Variants in ATF7IP observed in about 807,000 individuals in gnomAD.
ATF7IP encodes the protein activating transcription factor 7-interacting protein 1.
ATF7IP carries 23 observed loss-of-function variants against 106.4 expected under a neutral mutation model. The ratio of observed to expected loss-of-function variants is 0.22; its 90% CI spans 0.16 to 0.31. The LOEUF (loss-of-function observed/expected upper bound fraction) is 0.31. Among genes scored for constraint, ATF7IP ranks in the 10% least tolerant of loss-of-function variants. ATF7IP has a pLI of 1.00. For missense variants in ATF7IP, 1,334 were observed against 1,524.3 expected, an observed-to-expected ratio of 0.88 and a Z score of 2.08; for synonymous variants, 542 against 539.0, an observed-to-expected ratio of 1.01 and a Z score of -0.08.
At chr12:14,389,657 C>A (rs898751252) in intron 1 of ATF7IP, among the ~76,000 whole-genome samples, 1 of 152,012 alleles carries the variant, frequency 6.6e-6, no homozygotes, top group African/African-American at 2.4e-5. Context: ...GACGGAGTTT[C>A]GCTCTTGTTG....
At position 14,424,495 on chromosome 12, in the gene ATF7IP, G is replaced by A. The variant is rs1941730957; in HGVS notation, c.580G>A (p.Ala194Thr). 3 of 1,613,952 alleles carry A rather than the reference G, an allele frequency of 1.9e-6. No homozygotes were observed. The highest frequency in any genetic ancestry group is 2.5e-6 in the Non-Finnish European group (3 of 1,179,952). The change falls in exon 2 of 15, where the codon GCC becomes ACC. Residue 194 changes from alanine (A) to threonine (T), a missense_variant. By Grantham distance (58) the Ala-to-Thr change is moderately conservative (BLOSUM62 0). This residue lies in a region of ATF7IP where 438 missense variants were observed against 405.3 expected (regional missense o/e 1.08). Transcript: ENST00000261168. The stretch of plus-strand genomic sequence containing the variant: ...CCCTGGTGATGCCACCTCTGGTGAT[G>A]CCACTGCTGATGATCTCTCCTCTGG... ...VSPGDATSGDATADDLSSGDP... is the reference protein window; with the variant it reads ...VSPGDATSGDTTADDLSSGDP...
intron 6 of ATF7IP, among the ~76,000 whole-genome samples, chr12:14,447,547 C>T (rs1007434201): frequency 1.3e-4 from 20 of 152,210 alleles, no homozygotes; most frequent in Middle Eastern, 3.4e-3. Flanking sequence ...TCCCAAAGTG[C>T]TGGAATTACA....
chr12:14,367,602 C>G (rs1330725901), intron 1 of ATF7IP, among the ~76,000 whole-genome samples: 1 of 152,042 alleles, frequency 6.6e-6, no homozygotes, highest in Non-Finnish European at 1.5e-5. Context: ...GCATGGTACA[C>G]TTTACATTTC....
chr12:14,421,232 G>A (rs1393220751), intron 1 of ATF7IP, among the ~76,000 whole-genome samples: 1 of 152,172 alleles, frequency 6.6e-6, no homozygotes, highest in African/African-American at 2.4e-5. Context: ...TTATGCATCA[G>A]TCTTGAATTT....
At chr12:14,468,841 A>G (rs1345556958) in intron 10 of ATF7IP, among the ~76,000 whole-genome samples, 1 of 152,202 alleles carries the variant, frequency 6.6e-6, no homozygotes, top group Non-Finnish European at 1.5e-5. Context: ...TGAAACAAAT[A>G]TCATTTTTGT....
intron 1 of ATF7IP, among the ~76,000 whole-genome samples, chr12:14,381,431 A>G (rs954617163): frequency 1.3e-5 from 2 of 152,016 alleles, no homozygotes; most frequent in Non-Finnish European, 1.5e-5. Context: ...GGGTTTTGCC[A>G]TGTTGGTCAG....
rs1943840632 is a variant in ATF7IP, at chr12:14,466,561, A to G, written c.2833A>G (p.Ser945Gly). 4 of 1,604,832 alleles carry G rather than the reference A, an allele frequency of 2.5e-6. No individual in the cohort carries two copies. The highest frequency in any genetic ancestry group is 3.4e-6 in the Non-Finnish European group (4 of 1,177,202). Residue 945 changes from serine to glycine, a missense_variant, in exon 10 of 15, where the codon AGT becomes GGT. Ser to Gly is a moderately conservative substitution (Grantham distance 56, BLOSUM62 0). Coordinates refer to ENST00000261168, the MANE Select transcript of ATF7IP (RefSeq NM_018179.5). ...AAACAAAACAATAGATGCTTCTGTC[A>G]GTAAGAAAGCAGCTGATAGCACATC... Reference protein sequence around the residue: ...QTNKTIDASVSKKAADSTSQC... With the variant: ...QTNKTIDASVGKKAADSTSQC...
intron 6 of ATF7IP, among the ~76,000 whole-genome samples, chr12:14,451,446 T>C (rs1943198107): frequency 6.6e-6 from 1 of 152,168 alleles, no homozygotes. Flanking sequence ...TTTTCCCCTC[T>C]AGTTCTTTGA....
chr12:14,367,736 A>G (rs1006992744), intron 1 of ATF7IP, among the ~76,000 whole-genome samples: 1 of 152,128 alleles, frequency 6.6e-6, no homozygotes, highest in Non-Finnish European at 1.5e-5. Context: ...AATATGAAGA[A>G]CATATTTATT....
At position 14,408,116 on chromosome 12, in the gene ATF7IP, G is replaced by GCACACACA. The variant is rs56229725; in HGVS notation, c.-7-15774_-7-15767dup. Among the ~76,000 whole-genome samples the GCACACACA allele has an allele frequency of 1.5e-3, 230 of 149,090 alleles. 1 individual carries two copies. The highest frequency in any genetic ancestry group is 6.0e-3 in the South Asian group (28 of 4,698). On this transcript the variant is annotated intron_variant, in intron 1 of 14. Coordinates refer to ENST00000261168, the MANE Select transcript of ATF7IP (RefSeq NM_018179.5). ...CACTTAAATATATAGATATTGATGT[G>GCACACACA]CACACACACACACACACACACACAC...
Position 14,415,691 on chromosome 12 carries a change from G to GTTT in ATF7IP, c.-7-8205_-7-8203dup, listed in dbSNP as rs71067794. Among the ~76,000 whole-genome samples, 660 of 144,766 alleles carry GTTT rather than the reference G, an allele frequency of 4.6e-3. 5 individuals carry two copies. The highest frequency in any genetic ancestry group is 0.018 in the East Asian group (89 of 5,008). 95.0% of individuals were successfully genotyped at this position (144,766 alleles called of 152,430 possible). ...TGATAAACAGATTTCACCACTTACT[G>GTTT]TTTTTTTTTTTTTTTAAGATGGCAG... On this transcript the variant is annotated intron_variant, in intron 1 of 14. Coordinates refer to ENST00000261168, the MANE Select transcript of ATF7IP (RefSeq NM_018179.5).
At chr12:14,389,138 T>C (rs1225023687) in intron 1 of ATF7IP, among the ~76,000 whole-genome samples, 1 of 152,232 alleles carries the variant, frequency 6.6e-6, no homozygotes, top group African/African-American at 2.4e-5. Context: ...GAGTGTCATA[T>C]ACCTTTTCAA....
At chr12:14,480,107 A>T (rs1282894811) in intron 12 of ATF7IP, among the ~76,000 whole-genome samples, 3 of 152,148 alleles carry the variant, frequency 2.0e-5, no homozygotes, top group Non-Finnish European at 4.4e-5. Flanking sequence ...AGTCTTTAGT[A>T]AAGAAACCGT....
intron 5 of ATF7IP, among the ~76,000 whole-genome samples, chr12:14,440,605 T>G (rs1380514316): frequency 6.7e-6 from 1 of 150,004 alleles, no homozygotes; most frequent in Non-Finnish European, 1.5e-5. Flanking sequence ...TGTTCCAGTA[T>G]TTTGTTTTTT....
chr12:14,485,167 G>T (rs374937473), intron 13 of ATF7IP, among the ~76,000 whole-genome samples: 1 of 152,064 alleles, frequency 6.6e-6, no homozygotes, highest in African/African-American at 2.4e-5. Context: ...AGCTTGCTCA[G>T]TAGCATGGAC....
At chr12:14,493,466 A>T (rs1299495970) in intron 13 of ATF7IP, among the ~76,000 whole-genome samples, 1 of 152,166 alleles carries the variant, frequency 6.6e-6, no homozygotes, top group Non-Finnish European at 1.5e-5. Flanking sequence ...CCTCAGGGGA[A>T]GCCATCACTC....
chr12:14,470,194 C>T (rs929884160), intron 10 of ATF7IP, among the ~76,000 whole-genome samples: 3 of 152,192 alleles, frequency 2.0e-5, no homozygotes, highest in African/African-American at 7.2e-5. Context: ...TGCGTGAACT[C>T]TTTCTTCACA....
intron 2 of ATF7IP, among the ~76,000 whole-genome samples, chr12:14,428,779 G>A (rs1380806200): frequency 6.6e-6 from 1 of 152,086 alleles, no homozygotes; most frequent in Non-Finnish European, 1.5e-5. Context: ...TGTATCAGCA[G>A]CAACAAGAAA....
At chr12:14,455,976 C>G (rs1443618947) in intron 6 of ATF7IP, among the ~76,000 whole-genome samples, 2 of 152,122 alleles carry the variant, frequency 1.3e-5, no homozygotes, top group Admixed American at 6.5e-5. Context: ...AATTCCATTT[C>G]TGTATTCCCT....
Sources: gnomAD v4.1 joint callset for allele counts (sites outside exome capture counted in the v4.1 genomes callset) on GRCh38, gnomAD v4.1.1 for gene constraint, gnomAD v4.1.1 regional missense constraint, MANE v1.5 for transcripts, NCBI Gene and HGNC (gene_info 2026-07-23, HGNC 2026-07-21) for gene names.